PTPRO: variants seen among roughly 807,000 people sequenced by gnomAD.
PTPRO encodes receptor-type tyrosine-protein phosphatase O.
In PTPRO, 62 loss-of-function variants were observed where a neutral mutation model predicts 145.2. That is an observed-to-expected ratio of 0.43 (90% CI 0.35 to 0.53). The LOEUF is 0.53. PTPRO is among the 20% of genes least tolerant of loss of function. The pLI is 0.01. For synonymous variants in PTPRO, 565 were observed against 514.7 expected, an observed-to-expected ratio of 1.10 and a Z score of -1.32; for missense variants, 1,345 against 1,482.7, an observed-to-expected ratio of 0.91 and a Z score of 1.53.
chr12:15,499,449 T>A lies in PTPRO; in HGVS notation c.516T>A (p.Phe172Leu). Reference sequence around the variant, plus strand: ...TTGATTTTCTCTTCACAGATTTCTTTAAGGGAAAAACAGTATTTAATCACT... The same window carrying A: ...TTGATTTTCTCTTCACAGATTTCTTAAAGGGAAAAACAGTATTTAATCACT... Reference protein sequence around the residue: ...DFRTMLYKDFFKGKTVFNHWL... With the variant: ...DFRTMLYKDFLKGKTVFNHWL... Residue 172 changes from phenylalanine (F) to leucine (L), a missense_variant, in exon 4 of 27, where the codon TTT becomes TTA. Transcript: ENST00000281171. The A allele has an allele frequency of 6.2e-7, 1 of 1,613,016 alleles. No individual in the cohort carries two copies. Among genetic ancestry groups the A allele is most frequent in the African/African-American group, 1.3e-5 (1 of 74,996 alleles).
At chr12:15,374,514 A>C (rs1052908499) in intron 1 of PTPRO, among the ~76,000 whole-genome samples, 1 of 152,162 alleles carries the variant, frequency 6.6e-6, no homozygotes. Context: ...CTTAAAAAAC[A>C]ACAGTCTTGG....
chr12:15,559,032 T>C (rs2135581814), intron 16 of PTPRO, among the ~76,000 whole-genome samples: 1 of 152,336 alleles, frequency 6.6e-6, no homozygotes, highest in Admixed American at 6.5e-5. Flanking sequence ...TCACTGATAC[T>C]TGTTTCATGC....
chr12:15,554,348 A>C (rs1943558522), intron 15 of PTPRO, among the ~76,000 whole-genome samples: 1 of 152,028 alleles, frequency 6.6e-6, no homozygotes, highest in Non-Finnish European at 1.5e-5. Context: ...AGAGGGTCAA[A>C]ACTAATAGTA....
At chr12:15,579,030 GC>G in intron 20 of PTPRO, 87 bp downstream of exon 20, 1 of 1,211,920 alleles carries the variant, frequency 8.3e-7, no homozygotes. Context: ...CCAATCTCTG[GC>G]CATACCCACT....
chr12:15,428,709 G>A (rs1000762386), intron 1 of PTPRO, among the ~76,000 whole-genome samples: 6 of 152,124 alleles, frequency 3.9e-5, no homozygotes, highest in African/African-American at 1.2e-4. Flanking sequence ...TAATGTAAGC[G>A]GTCATCCAAG....
chr12:15,387,219 A>G (rs1939053678), intron 1 of PTPRO, among the ~76,000 whole-genome samples: 2 of 152,220 alleles, frequency 1.3e-5, no homozygotes, highest in African/African-American at 4.8e-5. Context: ...CTCAGTGATC[A>G]GAATCTCCTG....
At chr12:15,371,285 T>G (rs974476701) in intron 1 of PTPRO, among the ~76,000 whole-genome samples, 2 of 151,410 alleles carry the variant, frequency 1.3e-5, no homozygotes, top group Non-Finnish European at 2.9e-5. Context: ...CAGGCTGGAG[T>G]GCAGTGGTGC....
intron 12 of PTPRO, among the ~76,000 whole-genome samples, chr12:15,531,030 G>C (rs1204883117): frequency 6.6e-6 from 1 of 152,004 alleles, no homozygotes; most frequent in African/African-American, 2.4e-5. Flanking sequence ...AAACAATAAA[G>C]TAGGCATAAT....
chr12:15,428,115 A>G (rs991859990), intron 1 of PTPRO, among the ~76,000 whole-genome samples: 1 of 152,182 alleles, frequency 6.6e-6, no homozygotes, highest in African/African-American at 2.4e-5. Flanking sequence ...GAAGAACCAG[A>G]AAAGCAGGGG....
At chr12:15,526,426 T>C (rs1942839680) in intron 12 of PTPRO, among the ~76,000 whole-genome samples, 164 bp downstream of exon 12, 1 of 152,214 alleles carries the variant, frequency 6.6e-6, no homozygotes, top group African/African-American at 2.4e-5. Flanking sequence ...TTCAACTTGG[T>C]ACAAGTTTCT....
intron 26 of PTPRO, 70 bp downstream of exon 26, chr12:15,595,127 C>T: frequency 3.1e-6 from 3 of 972,786 alleles, no homozygotes; most frequent in Non-Finnish European, 4.8e-6. Flanking sequence ...ATGGATGGGA[C>T]AAAAGACAGC....
At chr12:15,483,688 G>C (rs1941827808) in intron 1 of PTPRO, among the ~76,000 whole-genome samples, 1 of 151,994 alleles carries the variant, frequency 6.6e-6, no homozygotes, top group Non-Finnish European at 1.5e-5. Flanking sequence ...TGTTTATTTT[G>C]TTTATTACAT....
In PTPRO at chr12:15,499,389, T is replaced by G; in HGVS notation, c.509-53T>G. The G allele has an allele frequency of 2.6e-6, 4 of 1,536,424 alleles. No individual in the cohort carries two copies. In the East Asian group the frequency reaches 6.8e-5, roughly 26 times the overall value. On this transcript the variant is annotated intron_variant, in intron 3 of 26. Coordinates refer to ENST00000281171, the MANE Select transcript of PTPRO (RefSeq NM_030667.3). ...ATAATTGTTTCAAACTTTCCAGAAG[T>G]GTGTGATGTTTAGAAGACCATATTT...
At position 15,322,521 on chromosome 12, in the gene PTPRO, C is replaced by G. The variant is rs1866323510; in HGVS notation, c.-206C>G. The G allele has an allele frequency of 1.6e-6, 1 of 632,688 alleles. No individual in the cohort carries two copies. The highest frequency in any genetic ancestry group is 1.8e-5 in the African/African-American group (1 of 54,348). 39.2% of individuals were successfully genotyped at this position (632,688 alleles called of 1,614,324 possible). A position where few individuals can be genotyped will look rare whatever the true frequency, so the allele number is the denominator to read the frequency against. On this transcript the variant is annotated 5_prime_UTR_variant, in exon 1 of 27. Coordinates refer to ENST00000281171, the MANE Select transcript of PTPRO (RefSeq NM_030667.3). The surrounding 1 kb of genome is among the most constrained non-coding windows in gnomAD (Gnocchi z 6.3). ...CTCTCCATCCTTAGTCATTAAAGAA[C>G]AGCAGCGCCTGGCACGTTCTTGGAG...
intron 15 of PTPRO, among the ~76,000 whole-genome samples, chr12:15,553,782 A>C (rs1943538636): frequency 6.6e-6 from 1 of 152,244 alleles, no homozygotes; most frequent in Non-Finnish European, 1.5e-5. Context: ...TGTGGTAGCC[A>C]GGAATCCAGG....
chr12:15,363,194 A>G (rs1360151731), intron 1 of PTPRO, among the ~76,000 whole-genome samples: 1 of 152,198 alleles, frequency 6.6e-6, no homozygotes, highest in Non-Finnish European at 1.5e-5. Flanking sequence ...TGAAATGAAT[A>G]TGGAATGAAG....
intron 1 of PTPRO, among the ~76,000 whole-genome samples, chr12:15,414,432 T>C (rs1288742254): frequency 6.6e-6 from 1 of 152,222 alleles, no homozygotes; most frequent in Non-Finnish European, 1.5e-5. Context: ...AATCAGAATC[T>C]AGCTAGGTGC....
chr12:15,594,349 T>G (rs540633097), intron 25 of PTPRO, among the ~76,000 whole-genome samples: 84 of 151,890 alleles, frequency 5.5e-4, no homozygotes, highest in South Asian at 5.0e-3. Context: ...GGGATATCCT[T>G]TTTTTTTCAA....
At position 15,354,035 on chromosome 12, in the gene PTPRO, T is replaced by C. The variant is rs1476514317; in HGVS notation, c.75+31234T>C. Among the ~76,000 whole-genome samples the C allele has an allele frequency of 2.0e-5, 3 of 152,204 alleles. No individual in the cohort carries two copies. The South Asian group carries it at 6.2e-4, about 31-fold the overall frequency. ...TTTTTTCAGTCAGAGCTGTGTAAGC[T>C]GAACAAACTAAGATGTCTATGGTGT... On this transcript the variant is annotated intron_variant, in intron 1 of 26. Transcript: ENST00000281171.
Sources: allele counts gnomAD v4.1 joint callset (sites outside exome capture counted in the v4.1 genomes callset), GRCh38; gene constraint gnomAD v4.1.1; non-coding constraint Gnocchi (gnomAD v3.1); transcripts MANE v1.5; gene names NCBI Gene and HGNC (gene_info 2026-07-23, HGNC 2026-07-21).